Variants in WDR64 observed in about 807,000 individuals in gnomAD.
WDR64 encodes WD repeat domain 64.
Under a neutral mutation model 139.3 loss-of-function variants are expected in WDR64, and 112 were observed. That is an observed-to-expected ratio of 0.80 (90% CI 0.69 to 0.94). The LOEUF (loss-of-function observed/expected upper bound fraction) is 0.94, where lower values mean the gene tolerates loss of function less well. Among genes scored for constraint, WDR64 ranks in the 40% least tolerant of loss-of-function variants. The pLI, the probability that WDR64 is intolerant of heterozygous loss-of-function variation, is 0.00. For missense variants in WDR64, 1,206 were observed against 1,293.1 expected (o/e 0.93, Z 1.03); for synonymous variants, 444 against 437.7 (o/e 1.01, Z -0.18).
At chr1:241,683,440 G>T in intron 6 of WDR64, 47 bp from the exon 7 acceptor site, 2 of 1,527,408 alleles carry the variant, frequency 1.3e-6, no homozygotes, top group South Asian at 2.4e-5. Context: ...AATATTTATT[G>T]AACAGAGCAA....
At position 241,769,441 on chromosome 1, in the gene WDR64, T is replaced by C. The variant is rs1558517022; in HGVS notation, c.2119T>C (p.Leu707=). ...PEDCFTVNPD[L]HPKHFKINDI... Reference sequence around the variant, plus strand: ...AGATTGCTTCACTGTAAACCCTGACTTGCATCCCAAGCACTTTAAAATTAA... The same window carrying C: ...AGATTGCTTCACTGTAAACCCTGACCTGCATCCCAAGCACTTTAAAATTAA... The change falls in exon 17 of 28, where the codon TTG becomes CTG. Residue 707 remains leucine, a synonymous_variant. Coordinates refer to ENST00000437684, the MANE Select transcript of WDR64 (RefSeq NM_001367482.1). The C allele has an allele frequency of 6.4e-7, 1 of 1,551,544 alleles. No homozygotes were observed. The highest frequency in any genetic ancestry group is 8.7e-7 in the Non-Finnish European group (1 of 1,146,984).
At chr1:241,734,944 T>C (rs1262163914) in intron 10 of WDR64, among the ~76,000 whole-genome samples, 1 of 152,200 alleles carries the variant, frequency 6.6e-6, no homozygotes, top group East Asian at 1.9e-4. Flanking sequence ...TCTCAGAACA[T>C]ACCCCTGTCC....
chr1:241,707,597 T>C (rs1475738288), intron 8 of WDR64, among the ~76,000 whole-genome samples: 1 of 152,148 alleles, frequency 6.6e-6, no homozygotes, highest in Admixed American at 6.5e-5. Flanking sequence ...TCTAGGTGCA[T>C]TGCTGCTCAG....
chr1:241,738,056 A>T, intron 10 of WDR64, among the ~76,000 whole-genome samples: 1 of 152,198 alleles, frequency 6.6e-6, no homozygotes, highest in East Asian at 1.9e-4. Context: ...ATGATCTTTT[A>T]TTATTCCTCC....
intron 12 of WDR64, among the ~76,000 whole-genome samples, chr1:241,742,516 C>T (rs1669587458): frequency 1.3e-5 from 2 of 152,292 alleles, no homozygotes; most frequent in Admixed American, 1.3e-4. Context: ...GCTACACTCC[C>T]ACCAGCACCA....
intron 3 of WDR64, among the ~76,000 whole-genome samples, chr1:241,672,494 A>C (rs1354214713): frequency 1.3e-5 from 2 of 152,186 alleles, no homozygotes; most frequent in African/African-American, 4.8e-5. Context: ...ATATTTGCTA[A>C]AGTCTACTAT....
At chr1:241,685,014 C>A (rs1417984683) in intron 7 of WDR64, among the ~76,000 whole-genome samples, 1 of 152,022 alleles carries the variant, frequency 6.6e-6, no homozygotes, top group Admixed American at 6.6e-5. Flanking sequence ...GCCTCGGCCT[C>A]CCAAAGTGCT....
At chr1:241,741,689 C>A in intron 12 of WDR64, 25 bp downstream of exon 12, 1 of 1,550,408 alleles carries the variant, frequency 6.4e-7, no homozygotes, top group Admixed American at 2.2e-5. Context: ...GCTTTTCAAA[C>A]AGAAAAAAAG....
chr1:241,734,448 C>T (rs1669214892), intron 10 of WDR64, among the ~76,000 whole-genome samples: 1 of 152,090 alleles, frequency 6.6e-6, no homozygotes, highest in Non-Finnish European at 1.5e-5. Context: ...TTCCCCAAAG[C>T]AACTAATATA....
intron 14 of WDR64, among the ~76,000 whole-genome samples, chr1:241,752,680 T>A (rs1032824916): frequency 1.3e-5 from 2 of 152,068 alleles, no homozygotes; most frequent in Non-Finnish European, 2.9e-5. Context: ...TGAGACACCA[T>A]CTCTACCAAA....
chr1:241,734,558 G>A lies in WDR64; in HGVS notation c.1195-3805G>A, dbSNP rs190112207. Among the ~76,000 whole-genome samples the A allele has an allele frequency of 2.4e-3, 367 of 151,576 alleles. 3 individuals are homozygous for A. Among genetic ancestry groups the A allele is most frequent in the Non-Finnish European group, 2.9e-3 (200 of 67,900 alleles). The stretch of plus-strand genomic sequence containing the variant: ...TTAAAATGTATTGTCTGTACAATGC[G>A]AAGCCATATAAATTCCTATTTGACC... On this transcript the variant is annotated intron_variant, in intron 10 of 27. Transcript: ENST00000437684.
chr1:241,686,455 A>G (rs1020114072), intron 7 of WDR64, among the ~76,000 whole-genome samples: 1 of 152,192 alleles, frequency 6.6e-6, no homozygotes, highest in African/African-American at 2.4e-5. Flanking sequence ...TGAGCTGTAA[A>G]CATTTCTATT....
intron 1 of WDR64, among the ~76,000 whole-genome samples, 193 bp from the exon 2 acceptor site, chr1:241,660,337 G>A (rs1053292488): frequency 1.3e-5 from 2 of 152,186 alleles, no homozygotes; most frequent in African/African-American, 4.8e-5. Flanking sequence ...TTTGAAGTCA[G>A]GTAGTGTGAT....
intron 8 of WDR64, among the ~76,000 whole-genome samples, chr1:241,702,809 A>G (rs1021604523): frequency 6.6e-6 from 1 of 152,258 alleles, no homozygotes; most frequent in Non-Finnish European, 1.5e-5. Flanking sequence ...TAGAGCTGTA[A>G]GGGAATCACA....
At chr1:241,741,824 A>C (rs543023981) in intron 12 of WDR64, among the ~76,000 whole-genome samples, 160 bp downstream of exon 12, 2 of 152,248 alleles carry the variant, frequency 1.3e-5, no homozygotes, top group Non-Finnish European at 2.9e-5. Flanking sequence ...GTGAAAAACA[A>C]GCGTTTTAAT....
chr1:241,710,625 T>C (rs1484139790), intron 8 of WDR64, among the ~76,000 whole-genome samples: 1 of 152,144 alleles, frequency 6.6e-6, no homozygotes, highest in Non-Finnish European at 1.5e-5. Context: ...GGCTGGGGTC[T>C]GGGAGACAAA....
At chr1:241,751,867 T>G (rs1169787862) in intron 14 of WDR64, among the ~76,000 whole-genome samples, 1 of 152,210 alleles carries the variant, frequency 6.6e-6, no homozygotes, top group African/African-American at 2.4e-5. Context: ...ATCTCAGTTT[T>G]AAGGGGATAG....
chr1:241,691,273 A>G (rs372710791), intron 8 of WDR64, among the ~76,000 whole-genome samples: 2 of 152,346 alleles, frequency 1.3e-5, no homozygotes, highest in African/African-American at 4.8e-5. Flanking sequence ...AGCAGCAATT[A>G]ATAGAAAACA....
chr1:241,705,959 T>C (rs1293697266), intron 8 of WDR64, among the ~76,000 whole-genome samples: 1 of 152,184 alleles, frequency 6.6e-6, no homozygotes, highest in Admixed American at 6.5e-5. Context: ...ATTTTTGCCT[T>C]TATAGGTCCC....
Sources: allele counts gnomAD v4.1 joint callset (sites outside exome capture counted in the v4.1 genomes callset), GRCh38; gene constraint gnomAD v4.1.1; transcripts MANE v1.5; gene names NCBI Gene and HGNC (gene_info 2026-07-23, HGNC 2026-07-21).